ZNF704: variants seen among roughly 807,000 people sequenced by gnomAD.
ZNF704 encodes the protein glucocorticoid induced gene 1.
ZNF704 carries 10 observed loss-of-function variants against 44.7 expected under a neutral mutation model. That is an observed-to-expected ratio of 0.22 (90% CI 0.14 to 0.38). The LOEUF (loss-of-function observed/expected upper bound fraction) is 0.38, where lower values mean the gene tolerates loss of function less well. ZNF704 is among the 10% of genes least tolerant of loss of function. The pLI is 1.00. For synonymous variants in ZNF704, 211 were observed against 207.6 expected (o/e 1.02, Z -0.14); for missense variants, 390 against 545.5 (o/e 0.71, Z 2.84).
chr8:80,850,873 C>T (rs781007393), intron 1 of ZNF704, among the ~76,000 whole-genome samples: 1 of 152,210 alleles, frequency 6.6e-6, no homozygotes, highest in African/African-American at 2.4e-5. Flanking sequence ...AAGCAGGTGA[C>T]AAACTGAGCA....
At chr8:80,660,229 T>TA (rs1818077699) in intron 6 of ZNF704, among the ~76,000 whole-genome samples, 1 of 152,102 alleles carries the variant, frequency 6.6e-6, no homozygotes, top group Non-Finnish European at 1.5e-5. Context: ...TCCCAGCACT[T>TA]AAGAGTCAGA....
At chr8:80,821,253 T>C in intron 2 of ZNF704, 121 bp downstream of exon 2, 1 of 1,074,592 alleles carries the variant, frequency 9.3e-7, no homozygotes, top group Non-Finnish European at 1.4e-6. Flanking sequence ...AGAAAAAATT[T>C]CTTGGCAGAA....
Position 80,631,712 on chromosome 8 carries a change from C to CA in ZNF704, c.*9653dup, listed in dbSNP as rs1274962094. 1.3e-5 allele frequency: 2 copies of CA among 152,210 alleles called. No individual in the cohort carries two copies. The highest frequency in any genetic ancestry group is 2.9e-5 in the Non-Finnish European group (2 of 68,046). The allele number at this position is 152,210 out of a possible 1,614,324, so 9.4% of individuals were successfully genotyped here. A position where few individuals can be genotyped will look rare whatever the true frequency, so the allele number is the denominator to read the frequency against. The stretch of plus-strand genomic sequence containing the variant: ...TGTCATTCTTTACAGTGAGTCTGAA[C>CA]AAATCTTTTGTGATGAGCGTGGCTG... On this transcript the variant is annotated 3_prime_UTR_variant, in exon 9 of 9. Coordinates refer to ENST00000327835, the MANE Select transcript of ZNF704 (RefSeq NM_001033723.3).
chr8:80,840,899 T>C (rs926097367), intron 1 of ZNF704, among the ~76,000 whole-genome samples: 2 of 152,220 alleles, frequency 1.3e-5, no homozygotes, highest in Non-Finnish European at 2.9e-5. Flanking sequence ...AGCTGTACCA[T>C]TCCCAATTTC....
At chr8:80,658,061 C>G (rs1243871341) in intron 7 of ZNF704, among the ~76,000 whole-genome samples, 1 of 152,102 alleles carries the variant, frequency 6.6e-6, no homozygotes, top group Non-Finnish European at 1.5e-5. Flanking sequence ...AAGAGCCCCT[C>G]AGAGTGATTT....
intron 2 of ZNF704, among the ~76,000 whole-genome samples, chr8:80,698,076 GT>G (rs1183267045): frequency 6.6e-6 from 1 of 152,146 alleles, no homozygotes; most frequent in Non-Finnish European, 1.5e-5. Flanking sequence ...TGGATTCTAC[GT>G]TTAAGAGTTT....
At chr8:80,814,450 T>C (rs530947214) in intron 2 of ZNF704, among the ~76,000 whole-genome samples, 1 of 152,352 alleles carries the variant, frequency 6.6e-6, no homozygotes, top group Admixed American at 6.5e-5. Context: ...GGCAAATGTG[T>C]AGCAAATAGA....
intron 2 of ZNF704, among the ~76,000 whole-genome samples, chr8:80,767,317 T>C (rs771926787): frequency 6.6e-6 from 1 of 152,008 alleles, no homozygotes; most frequent in Non-Finnish European, 1.5e-5. Context: ...CATTGTTCAT[T>C]CTCAATTCTA....
upstream of ZNF704, among the ~76,000 whole-genome samples, chr8:80,876,765 C>G (rs955351818): frequency 2.0e-5 from 3 of 152,186 alleles, no homozygotes; most frequent in East Asian, 5.8e-4. Flanking sequence ...GCGGGCTTAT[C>G]ATACTAAACA....
At chr8:80,729,600 T>G (rs1203710270) in intron 2 of ZNF704, among the ~76,000 whole-genome samples, 1 of 152,226 alleles carries the variant, frequency 6.6e-6, no homozygotes, top group Non-Finnish European at 1.5e-5. Flanking sequence ...ATCATTTTTC[T>G]GTGAAAATTT....
At chr8:80,724,236 T>C (rs553008532) in intron 2 of ZNF704, among the ~76,000 whole-genome samples, 17 of 152,358 alleles carry the variant, frequency 1.1e-4, no homozygotes, top group African/African-American at 3.6e-4. Context: ...GGAGGTAGTT[T>C]GACAGAGGTT....
At chr8:80,774,592 A>AG (rs1404284499) in intron 2 of ZNF704, among the ~76,000 whole-genome samples, 1 of 152,128 alleles carries the variant, frequency 6.6e-6, no homozygotes, top group Admixed American at 6.6e-5. Context: ...ATTACTGCCC[A>AG]GGGGGGATAA....
chr8:80,641,318 C>T lies in ZNF704; in HGVS notation c.*48G>A. On this transcript the variant is annotated 3_prime_UTR_variant, in exon 9 of 9. Transcript: ENST00000327835. Reference sequence around the variant, plus strand: ...CTTTCCAACACCTGCAGTGGCAGGCCAGGGCAGGAGCGGCTCAGGGCCCTG... The same window carrying T: ...CTTTCCAACACCTGCAGTGGCAGGCTAGGGCAGGAGCGGCTCAGGGCCCTG... The T allele has an allele frequency of 7.8e-7, 1 of 1,287,902 alleles. No homozygotes were observed. Among genetic ancestry groups the T allele is most frequent in the Non-Finnish European group, 1.1e-6 (1 of 943,160 alleles). 79.8% of individuals were successfully genotyped at this position (1,287,902 alleles called of 1,614,324 possible). A position where few individuals can be genotyped will look rare whatever the true frequency, so the allele number is the denominator to read the frequency against.
chr8:80,801,697 C>T (rs558842872), intron 2 of ZNF704, among the ~76,000 whole-genome samples: 21 of 152,104 alleles, frequency 1.4e-4, no homozygotes, highest in African/African-American at 5.1e-4. Flanking sequence ...GCACTAAATG[C>T]CCACATCAAA....
chr8:80,843,646 CA>C (rs1808717163), intron 1 of ZNF704, among the ~76,000 whole-genome samples: 1 of 152,272 alleles, frequency 6.6e-6, no homozygotes, highest in East Asian at 1.9e-4. Context: ...TATGCTAATA[CA>C]TTAATTCCCA....
At chr8:80,844,763 A>G (rs758494142) in intron 1 of ZNF704, among the ~76,000 whole-genome samples, 38 of 152,156 alleles carry the variant, frequency 2.5e-4, no homozygotes, top group Non-Finnish European at 5.1e-4. Context: ...TTTTATGTAG[A>G]GACAATCAAA....
intron 2 of ZNF704, among the ~76,000 whole-genome samples, chr8:80,718,752 A>G (rs1468958238): frequency 6.6e-6 from 1 of 152,210 alleles, no homozygotes; most frequent in South Asian, 2.1e-4. Context: ...CTGAGGTTTT[A>G]ATCCATTAAG....
At chr8:80,723,933 T>A (rs977980253) in intron 2 of ZNF704, among the ~76,000 whole-genome samples, 2 of 152,228 alleles carry the variant, frequency 1.3e-5, no homozygotes, top group Non-Finnish European at 2.9e-5. Context: ...AGTTAGTTGT[T>A]AATGAGGGAA....
At chr8:80,706,361 T>A (rs77299304) in intron 2 of ZNF704, among the ~76,000 whole-genome samples, 1 of 152,188 alleles carries the variant, frequency 6.6e-6, no homozygotes. Context: ...GTTTTTTTTT[T>A]AATAGAAAAA....
Sources: allele counts gnomAD v4.1 joint callset (sites outside exome capture counted in the v4.1 genomes callset), GRCh38; gene constraint gnomAD v4.1.1; transcripts MANE v1.5; gene names NCBI Gene and HGNC (gene_info 2026-07-23, HGNC 2026-07-21).